Variants in PTPRB observed in about 807,000 individuals in gnomAD.
PTPRB encodes the protein protein tyrosine phosphatase receptor type B.
PTPRB carries 97 observed loss-of-function variants against 238.1 expected under a neutral mutation model. The observed-to-expected ratio is 0.41, with a 90% CI of 0.35 to 0.48. The LOEUF (loss-of-function observed/expected upper bound fraction) is 0.48, where lower values mean the gene tolerates loss of function less well. Among genes scored for constraint, PTPRB ranks in the 20% least tolerant of loss-of-function variants. The pLI, the probability that PTPRB is intolerant of heterozygous loss-of-function variation, is 0.30. For missense variants in PTPRB, 2,292 were observed against 2,681.9 expected (o/e 0.85, Z 3.21); for synonymous variants, 970 against 995.4 (o/e 0.97, Z 0.48).
rs765675995 is a variant in PTPRB at position 70,635,852 on chromosome 12, T to A, written c.270A>T (p.Ala90=). 1 of 1,613,534 alleles carries A rather than the reference T, an allele frequency of 6.2e-7. No individual in the cohort carries two copies. Among genetic ancestry groups the A allele is most frequent in the South Asian group, 1.1e-5 (1 of 91,008 alleles). ...RSAILDRCSQ[A]PRWTCYDQEG... ...CCTGATCATAGCAGGTCCATCGGGG[T>A]GCCTGGGAACAGCGGTCCAAGATGG... The change falls in exon 2 of 34, where the codon GCA becomes GCT. Residue 90 remains alanine, a synonymous_variant. Coordinates refer to ENST00000334414, the MANE Select transcript of PTPRB (RefSeq NM_001109754.4).
In PTPRB at chr12:70,635,979, T is replaced by C. The variant is rs761904508; in HGVS notation, c.143A>G (p.Gln48Arg). 4 of 1,613,530 alleles carry C rather than the reference T, an allele frequency of 2.5e-6. No homozygotes were observed. Among genetic ancestry groups the C allele is most frequent in the Non-Finnish European group, 3.4e-6 (4 of 1,179,784 alleles). ...VVVGSCNRTI[Q>R]NQQWMWTEDE... ...CTCAGTCCACATCCACTGCTGGTTC[T>C]GGATGGTCCTGTTGCATGAGCCCAC... Residue 48 changes from glutamine to arginine, a missense_variant, in exon 2 of 34, where the codon CAG becomes CGG. By Grantham distance (43) the Gln-to-Arg change is conservative (BLOSUM62 1). Transcript: ENST00000334414.
rs911575086 is a variant in PTPRB at position 70,555,370 on chromosome 12, C to A, written c.4994-61G>T. 3.4e-6 allele frequency: 5 copies of A among 1,470,834 alleles called. No individual in the cohort carries two copies. The African/African-American group carries it at 5.5e-5, about 16-fold the overall frequency. The allele number at this position is 1,470,834 out of a possible 1,614,324, so 91.1% of individuals were successfully genotyped here. On this transcript the variant is annotated intron_variant, in intron 19 of 33. Coordinates refer to ENST00000334414, the MANE Select transcript of PTPRB (RefSeq NM_001109754.4). ...CACAACTCTGCTTTCACAGCATAAA[C>A]AACAGTTAGTGAAATGAAGGATTCT...
chr12:70,588,140 A>C (rs1882130010), intron 8 of PTPRB, among the ~76,000 whole-genome samples: 1 of 151,732 alleles, frequency 6.6e-6, no homozygotes, highest in Non-Finnish European at 1.5e-5. Flanking sequence ...AAAAGAATAA[A>C]GTGTTGCTGC....
At chr12:70,570,848 C>T (rs1879950307) in intron 13 of PTPRB, 178 bp downstream of exon 13, 1 of 720,554 alleles carries the variant, frequency 1.4e-6, no homozygotes, top group Non-Finnish European at 2.2e-6. Context: ...CTGCTGACAT[C>T]ATACTTTATT....
intron 3 of PTPRB, among the ~76,000 whole-genome samples, chr12:70,618,486 T>C (rs1884776366): frequency 1.3e-5 from 2 of 152,184 alleles, no homozygotes; most frequent in Admixed American, 1.3e-4. Context: ...CCCATAACTA[T>C]CCTTAAGTTA....
chr12:70,555,053 A>C (rs2278342), intron 20 of PTPRB, 107 bp downstream of exon 20: 313,954 of 1,324,302 alleles, frequency 0.24, 42,358 homozygotes, highest in East Asian at 0.6. Context: ...TACAAAAATT[A>C]CATTTTCTAC....
rs755521148 is a variant in PTPRB at position 70,587,210 on chromosome 12, A to G, written c.2108T>C (p.Ile703Thr). 3 of 1,613,846 alleles carry G rather than the reference A, an allele frequency of 1.9e-6. No individual in the cohort carries two copies. Among genetic ancestry groups the G allele is most frequent in the Admixed American group, 1.7e-5 (1 of 60,006 alleles). The change falls in exon 9 of 34, where the codon ATC (isoleucine) becomes ACC (threonine). Residue 703 changes from isoleucine (I) to threonine (T), a missense_variant. Coordinates refer to ENST00000334414, the MANE Select transcript of PTPRB (RefSeq NM_001109754.4). ...TTCTGCTACAGGGGTCTGCCACATG[A>G]TACTCAGTGAGGTTTCATTGGCATG... ...VKHANETSLS[I>T]MWQTPVAEWE... is the part of the protein sequence containing the mutation.
intron 2 of PTPRB, among the ~76,000 whole-genome samples, chr12:70,629,851 A>G (rs1885367204): frequency 6.6e-6 from 1 of 152,216 alleles, no homozygotes; most frequent in South Asian, 2.1e-4. Context: ...TCTAGAAGAA[A>G]TGGATACATT....
intron 4 of PTPRB, among the ~76,000 whole-genome samples, chr12:70,601,790 C>CTTTTTTTT (rs200227553): frequency 7.8e-4 from 100 of 127,512 alleles, no homozygotes; most frequent in Non-Finnish European, 1.1e-3. Flanking sequence ...TTTCTTTTTT[C>CTTTTTTTT]TTTTTTTTTT....
chr12:70,633,599 C>G (rs1035331783), intron 2 of PTPRB, among the ~76,000 whole-genome samples: 1 of 152,026 alleles, frequency 6.6e-6, no homozygotes, highest in African/African-American at 2.4e-5. Context: ...TGTTTTTGTA[C>G]CACAATTGTG....
intron 32 of PTPRB, among the ~76,000 whole-genome samples, chr12:70,526,747 C>T (rs1872501304): frequency 6.6e-6 from 1 of 152,160 alleles, no homozygotes; most frequent in African/African-American, 2.4e-5. Flanking sequence ...TTCCTCCCAC[C>T]CAAAGCATAA....
At chr12:70,551,702 G>A (rs1876903989) in intron 21 of PTPRB, among the ~76,000 whole-genome samples, 1 of 152,152 alleles carries the variant, frequency 6.6e-6, no homozygotes, top group Non-Finnish European at 1.5e-5. Context: ...ACCCAACAGA[G>A]AAGGTACATC....
At chr12:70,584,044 G>T (rs1359846587) in intron 9 of PTPRB, among the ~76,000 whole-genome samples, 1 of 152,064 alleles carries the variant, frequency 6.6e-6, no homozygotes, top group Non-Finnish European at 1.5e-5. Context: ...TACAGGAGGG[G>T]AATGAAAATA....
At chr12:70,566,010 T>G (rs2136351791) in intron 15 of PTPRB, among the ~76,000 whole-genome samples, 1 of 152,196 alleles carries the variant, frequency 6.6e-6, no homozygotes, top group South Asian at 2.1e-4. Flanking sequence ...AGCCAAGGAA[T>G]GTGGGCGGCC....
chr12:70,548,175 A>G (rs1876308460), intron 21 of PTPRB, among the ~76,000 whole-genome samples: 1 of 152,080 alleles, frequency 6.6e-6, no homozygotes, highest in Non-Finnish European at 1.5e-5. Context: ...AAAAATACAA[A>G]AATTAGCCAG....
intron 21 of PTPRB, among the ~76,000 whole-genome samples, chr12:70,547,802 C>T (rs1876245401): frequency 6.6e-6 from 1 of 152,108 alleles, no homozygotes; most frequent in South Asian, 2.1e-4. Context: ...CCATCGCGCC[C>T]AGCCATAAGG....
intron 21 of PTPRB, among the ~76,000 whole-genome samples, chr12:70,546,960 CTT>C (rs1876063729): frequency 1.3e-5 from 2 of 151,822 alleles, no homozygotes; most frequent in African/African-American, 2.4e-5. Context: ...TGTGGGAAAA[CTT>C]TTGCTAGTGT....
Position 70,589,937 on chromosome 12 carries a change from G to A in PTPRB, c.2050+27C>T, listed in dbSNP as rs370758208. The stretch of plus-strand genomic sequence containing the variant: ...AGAGGGAACAAATTACTCTTCCATT[G>A]GTATTAACATCTTCATATTTGCCTA... On this transcript the variant is annotated intron_variant, in intron 8 of 33. Coordinates refer to ENST00000334414, the MANE Select transcript of PTPRB (RefSeq NM_001109754.4). 5.6e-6 allele frequency: 9 copies of A among 1,600,702 alleles called. No homozygotes were observed. The African/African-American group carries it at 1.1e-4, about 19-fold the overall frequency.
intron 9 of PTPRB, among the ~76,000 whole-genome samples, chr12:70,585,867 A>G (rs1182117428): frequency 2.0e-5 from 3 of 151,772 alleles, no homozygotes; most frequent in South Asian, 2.1e-4. Flanking sequence ...TCATTGTTCA[A>G]TTCCCACCTA....
Sources: gnomAD v4.1 joint callset for allele counts (sites outside exome capture counted in the v4.1 genomes callset) on GRCh38, gnomAD v4.1.1 for gene constraint, MANE v1.5 for transcripts, NCBI Gene and HGNC (gene_info 2026-07-23, HGNC 2026-07-21) for gene names.